Variants in EMC8 observed in about 807,000 individuals in gnomAD.
The protein encoded by EMC8 is ER membrane protein complex subunit 8, also known as COX4 neighbor.
Under a neutral mutation model 24.3 loss-of-function variants are expected in EMC8, and 11 were observed. The ratio of observed to expected loss-of-function variants is 0.45; its 90% CI spans 0.28 to 0.75. The LOEUF (loss-of-function observed/expected upper bound fraction) is 0.75. Ranked by LOEUF, EMC8 falls within the 30% of genes least tolerant of loss-of-function variation. The probability of loss-of-function intolerance (pLI) is 0.12; values close to 1 mark genes in which losing one functional copy is unlikely to be tolerated. For missense variants in EMC8, 277 were observed against 282.7 expected, an observed-to-expected ratio of 0.98 and a Z score of 0.14; for synonymous variants, 145 against 117.7, an observed-to-expected ratio of 1.23 and a Z score of -1.50.
Position 85,780,415 on chromosome 16 carries a change from T to G in EMC8, c.437A>C (p.His146Pro). ...TCTGCACCGCCATCTGTTCTCATGGTGCTCGTACACGTGGATCGTAGGCGC... is the reference window on the plus strand; with the variant it reads ...TCTGCACCGCCATCTGTTCTCATGGGGCTCGTACACGTGGATCGTAGGCGC... ...CVAPTIHVYEHHENRWRCRDP... is the reference protein window; with the variant it reads ...CVAPTIHVYEPHENRWRCRDP... The change falls in exon 4 of 5, where the codon CAC (histidine) becomes CCC (proline). Residue 146 changes from histidine to proline, a missense_variant. Transcript: ENST00000253457. 2 of 1,614,234 alleles carry G rather than the reference T, an allele frequency of 1.2e-6. No individual in the cohort carries two copies. Among genetic ancestry groups the G allele is most frequent in the Non-Finnish European group, 1.7e-6 (2 of 1,180,020 alleles).
In EMC8 at chr16:85,780,447, G is replaced by A; in HGVS notation, c.405C>T (p.Asp135=). Residue 135 remains aspartate (D), a synonymous_variant, in exon 4 of 5, where the codon GAC becomes GAT. Coordinates refer to ENST00000253457, the MANE Select transcript of EMC8 (RefSeq NM_006067.5). ...ACACGTGGATCGTAGGCGCTACGCA[G>A]TCCATCGTAAACTTGGTGTTGTCTA... ...IMVDNTKFTM[D]CVAPTIHVYE... is the part of the protein sequence containing the mutation. 5 of 1,614,096 alleles carry A rather than the reference G, an allele frequency of 3.1e-6. No individual in the cohort carries two copies. The highest frequency in any genetic ancestry group is 4.2e-6 in the Non-Finnish European group (5 of 1,179,938).
rs961715212 is a variant in EMC8 at position 85,778,740 on chromosome 16, C to A, written c.*968G>T. ...CCCTTTCAGGTCACACCGATCGTTA[C>A]AAATTCCTCCATGGAGTCAAAGAAA... On this transcript the variant is annotated 3_prime_UTR_variant, in exon 5 of 5. Transcript: ENST00000253457. 2 of 152,170 alleles carry A rather than the reference C, an allele frequency of 1.3e-5. No individual in the cohort carries two copies. The highest frequency in any genetic ancestry group is 1.5e-5 in the Non-Finnish European group (1 of 68,028). The allele number at this position is 152,170 out of a possible 1,614,324, so 9.4% of individuals were successfully genotyped here.
chr16:85,784,958 T>A (rs976164380), intron 2 of EMC8: 1 of 152,202 alleles, frequency 6.6e-6, no homozygotes, highest in African/African-American at 2.4e-5. Flanking sequence ...TTCTATTCAC[T>A]GATTTTTGAG....
At position 85,780,230 on chromosome 16, in the gene EMC8, A is replaced by T; in HGVS notation, c.473+149T>A. On this transcript the variant is annotated intron_variant, in intron 4 of 4. Transcript: ENST00000253457. ...CCCTCTACTGCCTGGAAGCGCTGGAACACTGGGGCCTACAGGAGCCGGGGA... is the reference window on the plus strand; with the variant it reads ...CCCTCTACTGCCTGGAAGCGCTGGATCACTGGGGCCTACAGGAGCCGGGGA... The T allele has an allele frequency of 6.1e-6, 4 of 657,850 alleles. No homozygotes were observed. In the South Asian group the frequency reaches 7.1e-5, roughly 12 times the overall value. 40.8% of individuals were successfully genotyped at this position (657,850 alleles called of 1,614,324 possible).
intron 2 of EMC8, among the ~76,000 whole-genome samples, chr16:85,786,524 C>T (rs773153724): frequency 6.6e-6 from 1 of 152,180 alleles, no homozygotes; most frequent in African/African-American, 2.4e-5. Context: ...ACGGCATTAC[C>T]TACCTGAGGT....
chr16:85,788,894 G>C (rs1444039730), intron 2 of EMC8, 80 bp downstream of exon 2: 1 of 933,098 alleles, frequency 1.1e-6, no homozygotes. Flanking sequence ...TTTCGTATCT[G>C]GCCGAAAAGC....
intron 1 of EMC8, among the ~76,000 whole-genome samples, chr16:85,791,037 A>G (rs1283784564): frequency 6.6e-6 from 1 of 152,092 alleles, no homozygotes; most frequent in Non-Finnish European, 1.5e-5. Flanking sequence ...CATGTTGCCC[A>G]GGCTGATCTT....
intron 2 of EMC8, 67 bp from the exon 3 acceptor site, chr16:85,781,347 C>G: frequency 1.0e-6 from 1 of 999,998 alleles, no homozygotes; most frequent in Non-Finnish European, 1.6e-6. Context: ...AAGGCACAGT[C>G]AACACCACTG....
intron 1 of EMC8, among the ~76,000 whole-genome samples, chr16:85,790,636 G>C (rs910072499): frequency 3.9e-5 from 6 of 152,126 alleles, no homozygotes; most frequent in Non-Finnish European, 5.9e-5. Context: ...TGAGCACCGT[G>C]CTCCCAGCCT....
chr16:85,798,282 C>G (rs888865679), intron 1 of EMC8, among the ~76,000 whole-genome samples: 2 of 151,928 alleles, frequency 1.3e-5, no homozygotes, highest in African/African-American at 4.8e-5. Flanking sequence ...CCACCACGCC[C>G]GGCTAAGTTT....
chr16:85,780,108 T>G (rs1904417444), intron 4 of EMC8: 1 of 600,750 alleles, frequency 1.7e-6, no homozygotes, highest in African/African-American at 1.9e-5. Flanking sequence ...TGACTGAAGC[T>G]TTCTGAGTGG....
intron 2 of EMC8, chr16:85,784,430 T>C (rs957112645): frequency 2.0e-5 from 3 of 152,278 alleles, no homozygotes; most frequent in African/African-American, 7.2e-5. Context: ...AAAAACAAAT[T>C]ATTTTATATG....
chr16:85,789,210 A>G (rs1250095863), intron 1 of EMC8, among the ~76,000 whole-genome samples, 160 bp from the exon 2 acceptor site: 1 of 152,196 alleles, frequency 6.6e-6, no homozygotes, highest in Non-Finnish European at 1.5e-5. Context: ...TCAGGAAAAA[A>G]TGGTCAGGAA....
chr16:85,784,944 GTCTT>G (rs1257466399), intron 2 of EMC8: 1 of 152,196 alleles, frequency 6.6e-6, no homozygotes, highest in African/African-American at 2.4e-5. Context: ...CTTAACATCT[GTCTT>G]TCTATTCACT....
intron 1 of EMC8, among the ~76,000 whole-genome samples, chr16:85,789,614 A>G (rs61539663): frequency 6.3e-4 from 96 of 152,132 alleles, no homozygotes; most frequent in African/African-American, 2.3e-3. Context: ...CAATGTGGAG[A>G]AACCCCATCT....
chr16:85,787,807 C>A (rs535837934), intron 2 of EMC8, among the ~76,000 whole-genome samples: 1 of 152,328 alleles, frequency 6.6e-6, no homozygotes, highest in African/African-American at 2.4e-5. Context: ...GATCCTGTGC[C>A]TGGACCCAGC....
intron 1 of EMC8, among the ~76,000 whole-genome samples, chr16:85,791,051 C>T (rs62050603): frequency 1.3e-5 from 2 of 152,074 alleles, no homozygotes; most frequent in African/African-American, 4.8e-5. Context: ...TGATCTTGGA[C>T]TCCTGGGTTC....
In EMC8 at chr16:85,799,154, C is replaced by G. The variant is rs948642097; in HGVS notation, c.142G>C (p.Gly48Arg). The change falls in exon 1 of 5, where the codon GGC becomes CGC. Residue 48 changes from glycine (G) to arginine (R), a missense_variant. Coordinates refer to ENST00000253457, the MANE Select transcript of EMC8 (RefSeq NM_006067.5). The surrounding 1 kb of genome is among the most constrained non-coding windows in gnomAD (Gnocchi z 4.2). ...RKEHLPLGGP[G>R]AHHTLFVDCI... ...TCCACGAAGAGGGTGTGGTGGGCGC[C>G]GGGGCCGCCCAGGGGGAGGTGCTCC... The G allele has an allele frequency of 2.5e-6, 4 of 1,606,762 alleles. No individual in the cohort carries two copies. The highest frequency in any genetic ancestry group is 4.5e-5 in the East Asian group (2 of 44,478).
rs1398986567 is a variant in EMC8, at chr16:85,779,485, G to C, written c.*223C>G. The C allele has an allele frequency of 4.0e-6, 2 of 494,588 alleles. No homozygotes were observed. 30.6% of individuals were successfully genotyped at this position (494,588 alleles called of 1,614,324 possible). ...GAGGATTATAGCAACATACAACTGAGAGAGTCCACAGGGACAGTCAGACGG... is the reference window on the plus strand; with the variant it reads ...GAGGATTATAGCAACATACAACTGACAGAGTCCACAGGGACAGTCAGACGG... On this transcript the variant is annotated 3_prime_UTR_variant, in exon 5 of 5. Coordinates refer to ENST00000253457, the MANE Select transcript of EMC8 (RefSeq NM_006067.5).
Sources: gnomAD v4.1 joint callset for allele counts (sites outside exome capture counted in the v4.1 genomes callset) on GRCh38, gnomAD v4.1.1 for gene constraint, Gnocchi (gnomAD v3.1) non-coding constraint, MANE v1.5 for transcripts, NCBI Gene and HGNC (gene_info 2026-07-23, HGNC 2026-07-21) for gene names.